SPDYE21: variants seen among roughly 807,000 people sequenced by gnomAD.
The protein encoded by SPDYE21 is speedy protein E21.
In SPDYE21, 14 loss-of-function variants were observed where a neutral mutation model predicts 36.2. The observed-to-expected ratio is 0.39, with a 90% CI of 0.26 to 0.61. The LOEUF (loss-of-function observed/expected upper bound fraction) is 0.61, where lower values mean the gene tolerates loss of function less well. Among genes scored for constraint, SPDYE21 ranks in the 20% least tolerant of loss-of-function variants. The pLI is 0.55. For missense variants in SPDYE21, 233 were observed against 424.6 expected, an observed-to-expected ratio of 0.55 and a Z score of 3.97; for synonymous variants, 58 against 155.1, an observed-to-expected ratio of 0.37 and a Z score of 4.65.
rs1802784938 is a variant in SPDYE21, at chr7:67,288,652, T to C, written c.*1180T>C. Among the ~76,000 whole-genome samples, 2 of 148,622 alleles carry C rather than the reference T, an allele frequency of 1.3e-5. No homozygotes were observed. Among genetic ancestry groups the C allele is most frequent in the South Asian group, 2.1e-4 (1 of 4,672 alleles). On this transcript the variant is annotated 3_prime_UTR_variant, in exon 9 of 9. Transcript: ENST00000424157. ...TTTTCCTTTTTAAGAGAGGATTCTT[T>C]TCATCCTAAATCTTTTACCTTTCAA...
In SPDYE21 at chr7:67,286,316, G is replaced by A. The variant is rs1339738854; in HGVS notation, c.1028G>A (p.Arg343His). The change falls in exon 7 of 9, where the codon CGT (arginine) becomes CAT (histidine). Residue 343 changes from arginine (R) to histidine (H), a missense_variant. Arg to His is a conservative substitution (Grantham distance 29). This residue lies in a region of SPDYE21 where 139 missense variants were observed against 175.8 expected (regional missense o/e 0.79). Transcript: ENST00000424157. ...CGTAAGCGTCGGTTCCAGTTACGCC[G>A]TTGCATGAACCCGAGGGCCAGGAAG... ...LVRKRRFQLR[R>H]CMNPRARKNR... is the part of the protein sequence containing the mutation. The A allele has an allele frequency of 7.5e-6, 12 of 1,600,358 alleles. No homozygotes were observed. The highest frequency in any genetic ancestry group is 1.3e-5 in the African/African-American group (1 of 74,698).
chr7:67,280,063 C>T (rs1196686411), intron 3 of SPDYE21, 27 bp downstream of exon 3: 3 of 1,575,550 alleles, frequency 1.9e-6, no homozygotes, highest in Admixed American at 1.8e-5. Context: ...GAGAGCACCT[C>T]CAATCCTGTT....
intron 2 of SPDYE21, 169 bp from the exon 3 acceptor site, chr7:67,279,649 G>A (rs1802597525): frequency 1.3e-6 from 2 of 1,511,748 alleles, no homozygotes; most frequent in Admixed American, 4.2e-5. Flanking sequence ...AATGGGGAGG[G>A]GAAGGAGCGG....
At chr7:67,277,206 A>G (rs1436988829) in intron 1 of SPDYE21, among the ~76,000 whole-genome samples, 144 bp downstream of exon 1, 1 of 152,102 alleles carries the variant, frequency 6.6e-6, no homozygotes, top group Non-Finnish European at 1.5e-5. Flanking sequence ...GATTACAGGC[A>G]TCCACCATGC....
At chr7:67,279,694 A>G in intron 2 of SPDYE21, 124 bp from the exon 3 acceptor site, 1 of 1,591,390 alleles carries the variant, frequency 6.3e-7, no homozygotes, top group Non-Finnish European at 8.5e-7. Context: ...AATCAGACAG[A>G]TGGCTTAGAG....
intron 1 of SPDYE21, among the ~76,000 whole-genome samples, 95 bp from the exon 2 acceptor site, chr7:67,278,197 A>C (rs1802571429): frequency 1.0e-5 from 1 of 99,564 alleles, no homozygotes; most frequent in Non-Finnish European, 2.1e-5. Flanking sequence ...GCACATGATA[A>C]TCTCACTCTT....
At position 67,286,068 on chromosome 7, in the gene SPDYE21, G is replaced by C. The variant is rs1219254012; in HGVS notation, c.780G>C (p.Glu260Asp). Residue 260 changes from glutamate to aspartate, a missense_variant, in exon 7 of 9, where the codon GAG (glutamate) becomes GAC (aspartate). Around this residue, in one of 4 missense-constraint regions of SPDYE21, gnomAD observed 139 missense variants for 175.8 expected, o/e 0.79. Transcript: ENST00000424157. ...GCTACCTGGCCAATGACATGGAGGA[G>C]GACGACGAGGACTCCAAACAAAACA... is the stretch of plus-strand genomic sequence containing the variant. ...LALYLANDME[E>D]DDEDSKQNIF... The C allele has an allele frequency of 3.7e-5, 59 of 1,613,312 alleles. No homozygotes were observed. Among genetic ancestry groups the C allele is most frequent in the Non-Finnish European group, 1.9e-5 (23 of 1,180,030 alleles).
intron 2 of SPDYE21, among the ~76,000 whole-genome samples, chr7:67,279,394 A>C (rs1029799861): frequency 4.1e-5 from 6 of 148,052 alleles, no homozygotes; most frequent in African/African-American, 1.5e-4. Context: ...TCTCTACTAA[A>C]AGTACAAAAT....
chr7:67,278,209 T>C (rs138458629), intron 1 of SPDYE21, among the ~76,000 whole-genome samples, 83 bp from the exon 2 acceptor site: 12,733 of 66,618 alleles, frequency 0.19, 3,115 homozygotes, highest in East Asian at 0.69. Context: ...CTCACTCTTG[T>C]ACATGATAAT....
chr7:67,280,380 T>G (rs2116504763), intron 3 of SPDYE21, among the ~76,000 whole-genome samples: 1 of 152,144 alleles, frequency 6.6e-6, no homozygotes, highest in East Asian at 1.9e-4. Flanking sequence ...CACTCCAGCC[T>G]GGGTGACAGA....
At chr7:67,283,150 G>C (rs1223373293) in intron 5 of SPDYE21, among the ~76,000 whole-genome samples, 7 of 150,510 alleles carry the variant, frequency 4.7e-5, no homozygotes, top group African/African-American at 1.7e-4. Context: ...TTTTTTTTTT[G>C]TGAGACACAG....
rs1053019091 is a variant in SPDYE21, at chr7:67,278,365, C to T, written c.-349C>T. 1.5e-5 allele frequency among the ~76,000 whole-genome samples: 2 copies of T among 136,320 alleles called. No homozygotes were observed. Among genetic ancestry groups the T allele is most frequent in the Non-Finnish European group, 3.2e-5 (2 of 63,250 alleles). The allele number at this position is 136,320 out of a possible 152,430, so 89.4% of individuals were successfully genotyped here. On this transcript the variant is annotated 5_prime_UTR_variant, in exon 2 of 9. Coordinates refer to ENST00000424157, the MANE Select transcript of SPDYE21 (RefSeq NM_001382715.2). The stretch of plus-strand genomic sequence containing the variant: ...CTTCAGGCTTTGAGTGGAGAGGACA[C>T]AGCCTCTGCTGGGACAGGGAACAGA...
At position 67,286,217 on chromosome 7, in the gene SPDYE21, G is replaced by A. The variant is rs1207789317; in HGVS notation, c.929G>A (p.Arg310His). 17 of 1,611,430 alleles carry A rather than the reference G, an allele frequency of 1.1e-5. No individual in the cohort carries two copies. The highest frequency in any genetic ancestry group is 2.7e-5 in the African/African-American group (2 of 74,586). Residue 310 changes from arginine to histidine, a missense_variant, in exon 7 of 9, where the codon CGT becomes CAT. Physicochemically the swap from Arg to His is conservative, Grantham distance 29. This residue lies in a region of SPDYE21 where 139 missense variants were observed against 175.8 expected (regional missense o/e 0.79). Transcript: ENST00000424157. ...AACCGCTCTCGCATACCCTTGCTCC[G>A]TAAGCGTCGGTTCCAGTTAGGCCGT... ...RKNRSRIPLL[R>H]KRRFQLGRSM... is the part of the protein sequence containing the mutation.
At position 67,278,778 on chromosome 7, in the gene SPDYE21, G is replaced by A. The variant is rs562951968; in HGVS notation, c.65G>A (p.Arg22His). Among the ~76,000 whole-genome samples, 72 of 152,122 alleles carry A rather than the reference G, an allele frequency of 4.7e-4. No homozygotes were observed. The highest frequency in any genetic ancestry group is 3.4e-3 in the Middle Eastern group (1 of 294). Residue 22 changes from arginine to histidine, a missense_variant, in exon 2 of 9, where the codon CGT (arginine) becomes CAT (histidine). Arg to His is a conservative substitution (Grantham distance 29, BLOSUM62 0). Around this residue, in one of 4 missense-constraint regions of SPDYE21, gnomAD observed 68 missense variants for 87.6 expected, o/e 0.78. Coordinates refer to ENST00000424157, the MANE Select transcript of SPDYE21 (RefSeq NM_001382715.2). ...GQITGKITTS[R>H]QLHPQNEQSP... ...ATTACGGGAAAGATCACGACCAGCC[G>A]TCAACTGCACCCCCAGAATGAGCAG... is the stretch of plus-strand genomic sequence containing the variant.
In SPDYE21 at chr7:67,278,688, AT is replaced by A. The variant is rs1287173461; in HGVS notation, c.-25del. 6.8e-6 allele frequency among the ~76,000 whole-genome samples: 1 copy of A among 147,094 alleles called. No homozygotes were observed. On this transcript the variant is annotated 5_prime_UTR_variant, in exon 2 of 9. Transcript: ENST00000424157. ...GAGAATTGATAACATACTCTTCTGG[AT>A]CCTAGCAGTGTCCAGAAGAAGGCCA... is the stretch of plus-strand genomic sequence containing the variant.
intron 5 of SPDYE21, among the ~76,000 whole-genome samples, chr7:67,283,069 G>A (rs1243011116): frequency 2.7e-5 from 4 of 150,752 alleles, no homozygotes; most frequent in Admixed American, 1.3e-4. Flanking sequence ...GCCTCCCAAA[G>A]TGCTGAGATT....
At chr7:67,286,805 C>T (rs1487299238) in intron 8 of SPDYE21, among the ~76,000 whole-genome samples, 141 bp downstream of exon 8, 5 of 152,086 alleles carry the variant, frequency 3.3e-5, no homozygotes, top group Admixed American at 6.5e-5. Flanking sequence ...ATTAGCCAGG[C>T]GATGTGGGAC....
At position 67,283,897 on chromosome 7, in the gene SPDYE21, C is replaced by T; in HGVS notation, c.670-16C>T. 2.7e-6 allele frequency: 3 copies of T among 1,122,372 alleles called. No individual in the cohort carries two copies. The highest frequency in any genetic ancestry group is 4.1e-6 in the Non-Finnish European group (3 of 734,978). The allele number at this position is 1,122,372 out of a possible 1,614,324, so 69.5% of individuals were successfully genotyped here. ...GATGTGACCTCTCCCTCTCTGTGTT[C>T]CTTTCTCTCCATCAGTATCTCCTGG... On this transcript the variant is annotated splice_polypyrimidine_tract_variant and intron_variant, in intron 5 of 8. Coordinates refer to ENST00000424157, the MANE Select transcript of SPDYE21 (RefSeq NM_001382715.2).
chr7:67,280,159 G>A, intron 3 of SPDYE21, 123 bp downstream of exon 3: 2 of 1,482,324 alleles, frequency 1.3e-6, no homozygotes, highest in East Asian at 2.5e-5. Context: ...CACGCAGGAG[G>A]ACTCAGAAGT....
Sources: allele counts gnomAD v4.1 joint callset (sites outside exome capture counted in the v4.1 genomes callset), GRCh38; gene constraint gnomAD v4.1.1; regional missense constraint gnomAD v4.1.1; transcripts MANE v1.5; gene names NCBI Gene and HGNC (gene_info 2026-07-23, HGNC 2026-07-21).